ZFC3H1: variants seen among roughly 807,000 people sequenced by gnomAD.
ZFC3H1 encodes the protein zinc finger C3H1 domain-containing protein.
Under a neutral mutation model 243.7 loss-of-function variants are expected in ZFC3H1, and 71 were observed. That is an observed-to-expected ratio of 0.29 (90% CI 0.24 to 0.36). The LOEUF (loss-of-function observed/expected upper bound fraction) is 0.36, where lower values mean the gene tolerates loss of function less well. Ranked by LOEUF, ZFC3H1 falls within the 10% of genes least tolerant of loss-of-function variation. The pLI is 1.00. For missense variants in ZFC3H1, 1,966 were observed against 2,317.1 expected (o/e 0.85, Z 3.11); for synonymous variants, 838 against 813.0 (o/e 1.03, Z -0.52).
In ZFC3H1 at chr12:71,632,254, A is replaced by G. The variant is rs1880340846; in HGVS notation, c.3078T>C (p.Thr1026=). ...TTTCATCATCAACATCATTTTCTTC[A>G]GTGTCCAGGGTTAATTTATCTTGTG... The part of the protein sequence containing the change: ...DLTQDKLTLD[T]EENDVDDEIL... Residue 1026 remains threonine, a synonymous_variant, in exon 15 of 35, where the codon ACT becomes ACC. Coordinates refer to ENST00000378743, the MANE Select transcript of ZFC3H1 (RefSeq NM_144982.5). 1 of 1,612,338 alleles carries G rather than the reference A, an allele frequency of 6.2e-7. No homozygotes were observed. Among genetic ancestry groups the G allele is most frequent in the Non-Finnish European group, 8.5e-7 (1 of 1,179,434 alleles).
chr12:71,657,808 G>A (rs1185439164), intron 1 of ZFC3H1, among the ~76,000 whole-genome samples: 1 of 152,034 alleles, frequency 6.6e-6, no homozygotes, highest in Non-Finnish European at 1.5e-5. Context: ...GGCCAACACA[G>A]TGAAACCCCA....
At chr12:71,635,353 A>G (rs1270577246) in intron 10 of ZFC3H1, 90 bp downstream of exon 10, 10 of 1,465,000 alleles carry the variant, frequency 6.8e-6, no homozygotes, top group Non-Finnish European at 9.1e-6. Context: ...TTAAAAATCT[A>G]TAACTTTATG....
chr12:71,642,581 A>G (rs747509620), intron 5 of ZFC3H1, 22 bp from the exon 6 acceptor site: 1 of 1,587,510 alleles, frequency 6.3e-7, no homozygotes, highest in South Asian at 1.2e-5. Context: ...ACACTTTTTT[A>G]GTTTCAAAGC....
intron 6 of ZFC3H1, among the ~76,000 whole-genome samples, chr12:71,641,046 G>A (rs964360709): frequency 3.9e-5 from 6 of 151,904 alleles, no homozygotes; most frequent in Non-Finnish European, 7.4e-5. Flanking sequence ...ATAAATATCC[G>A]CAGTTAACGT....
Position 71,647,799 on chromosome 12 carries a change from CTTT to C in ZFC3H1, c.1027_1029del (p.Lys343del). 2.9e-6 allele frequency: 4 copies of C among 1,370,688 alleles called. No individual in the cohort carries two copies. Among genetic ancestry groups the C allele is most frequent in the Non-Finnish European group, 3.0e-6 (3 of 991,082 alleles). The allele number at this position is 1,370,688 out of a possible 1,614,324, so 84.9% of individuals were successfully genotyped here. ...CTAATTCTTCTTGTTAAATTTTGTT[CTTT>C]ATCTTGTAATCCTTTAAAATAAAAT... On this transcript the variant is annotated inframe_deletion, in exon 3 of 35. Coordinates refer to ENST00000378743, the MANE Select transcript of ZFC3H1 (RefSeq NM_144982.5).
At position 71,610,309 on chromosome 12, in the gene ZFC3H1, G is replaced by C; in HGVS notation, c.*119C>G. Reference sequence around the variant, plus strand: ...CAGGATATTGTAGGGAACTTGATATGATCAATAACGCTTGTCTGCCTTACA... The same window carrying C: ...CAGGATATTGTAGGGAACTTGATATCATCAATAACGCTTGTCTGCCTTACA... On this transcript the variant is annotated 3_prime_UTR_variant, in exon 35 of 35. Transcript: ENST00000378743. 2 of 1,211,754 alleles carry C rather than the reference G, an allele frequency of 1.7e-6. No individual in the cohort carries two copies. The highest frequency in any genetic ancestry group is 2.3e-6 in the Non-Finnish European group (2 of 864,948). 75.1% of individuals were successfully genotyped at this position (1,211,754 alleles called of 1,614,324 possible).
intron 24 of ZFC3H1, among the ~76,000 whole-genome samples, chr12:71,621,009 A>G (rs1003751208): frequency 3.9e-5 from 6 of 152,158 alleles, no homozygotes; most frequent in Non-Finnish European, 5.9e-5. Flanking sequence ...TTTATTTAAC[A>G]TTTGACAGTG....
chr12:71,643,197 G>A (rs979057808), intron 5 of ZFC3H1, among the ~76,000 whole-genome samples: 11 of 151,940 alleles, frequency 7.2e-5, no homozygotes, highest in Non-Finnish European at 7.4e-5. Context: ...TGGCTCATGC[G>A]GTCGGGAGTT....
intron 1 of ZFC3H1, among the ~76,000 whole-genome samples, chr12:71,659,715 T>A (rs961515970): frequency 6.6e-6 from 1 of 152,242 alleles, no homozygotes; most frequent in Non-Finnish European, 1.5e-5. Context: ...TCCCTATCTA[T>A]ACAGAAGCCT....
intron 3 of ZFC3H1, among the ~76,000 whole-genome samples, chr12:71,645,737 T>C (rs1404986062): frequency 1.3e-5 from 2 of 152,248 alleles, no homozygotes; most frequent in Admixed American, 1.3e-4. Flanking sequence ...GACAATAATG[T>C]TAAAAGCAGA....
intron 12 of ZFC3H1, among the ~76,000 whole-genome samples, 172 bp from the exon 13 acceptor site, chr12:71,633,610 C>T (rs1209827977): frequency 6.6e-6 from 1 of 151,998 alleles, no homozygotes; most frequent in African/African-American, 2.4e-5. Context: ...TTTAAATTAA[C>T]ATTGCTACAC....
At chr12:71,662,898 A>G in intron 1 of ZFC3H1, 115 bp downstream of exon 1, 4 of 1,039,958 alleles carry the variant, frequency 3.8e-6, no homozygotes, top group Middle Eastern at 2.2e-4. Flanking sequence ...ATACTGACAC[A>G]GGGAGAAATA....
In ZFC3H1 at chr12:71,623,444, C is replaced by G; in HGVS notation, c.4660G>C (p.Val1554Leu). The G allele has an allele frequency of 6.8e-6, 11 of 1,613,688 alleles. No homozygotes were observed. Among genetic ancestry groups the G allele is most frequent in the Non-Finnish European group, 8.5e-6 (10 of 1,179,838 alleles). ...DPSNDNPSRIVNTESFVMPWQ... is the reference protein window; with the variant it reads ...DPSNDNPSRILNTESFVMPWQ... ...GGCATTACAAATGATTCAGTGTTAA[C>G]AATTCTTGAAGGATTATCATTAGAT... Residue 1554 changes from valine (V) to leucine (L), a missense_variant, in exon 24 of 35, where the codon GTT becomes CTT. Coordinates refer to ENST00000378743, the MANE Select transcript of ZFC3H1 (RefSeq NM_144982.5).
intron 2 of ZFC3H1, among the ~76,000 whole-genome samples, chr12:71,650,009 AAACC>A (rs1430318344): frequency 6.6e-6 from 1 of 152,226 alleles, no homozygotes; most frequent in Non-Finnish European, 1.5e-5. Flanking sequence ...TAACATGGTG[AAACC>A]CTGTCTCTAC....
chr12:71,630,564 T>C lies in ZFC3H1; in HGVS notation c.3724+36A>G, dbSNP rs754970765. Reference sequence around the variant, plus strand: ...GAATTTTTAAGTTGCCTAAATTCAATTTTCATTTGGGAGAGAATAGGAAGT... The same window carrying C: ...GAATTTTTAAGTTGCCTAAATTCAACTTTCATTTGGGAGAGAATAGGAAGT... On this transcript the variant is annotated intron_variant, in intron 18 of 34. Coordinates refer to ENST00000378743, the MANE Select transcript of ZFC3H1 (RefSeq NM_144982.5). The C allele has an allele frequency of 3.8e-6, 6 of 1,581,912 alleles. No individual in the cohort carries two copies. In the South Asian group the frequency reaches 7.0e-5, roughly 18 times the overall value.
Position 71,620,310 on chromosome 12 carries a change from C to T in ZFC3H1, c.4750G>A (p.Val1584Met). 1 of 1,614,118 alleles carries T rather than the reference C, an allele frequency of 6.2e-7. No homozygotes were observed. Among genetic ancestry groups the T allele is most frequent in the Non-Finnish European group, 8.5e-7 (1 of 1,179,984 alleles). Residue 1584 changes from valine to methionine, a missense_variant, in exon 25 of 35, where the codon GTG becomes ATG. Around this residue, in one of 4 missense-constraint regions of ZFC3H1, gnomAD observed 1,383 missense variants for 1,723.7 expected, o/e 0.80. Coordinates refer to ENST00000378743, the MANE Select transcript of ZFC3H1 (RefSeq NM_144982.5). ...AGGCTCTCATCTGTGCAAGCTTTCA[C>T]TGCATCTACCCAAAAACATCACAAC... Reference protein sequence around the residue: ...DMLLAVFEDAVKACTDESLAV... With the variant: ...DMLLAVFEDAMKACTDESLAV...
intron 18 of ZFC3H1, 52 bp downstream of exon 18, chr12:71,630,548 A>G: frequency 1.3e-6 from 2 of 1,574,182 alleles, no homozygotes; most frequent in Non-Finnish European, 1.7e-6. Context: ...AGAATTTTTA[A>G]GTTGCCTAAA....
At position 71,626,333 on chromosome 12, in the gene ZFC3H1, C is replaced by T; in HGVS notation, c.4244G>A (p.Gly1415Glu). 2 of 1,613,938 alleles carry T rather than the reference C, an allele frequency of 1.2e-6. No homozygotes were observed. The highest frequency in any genetic ancestry group is 1.7e-6 in the Non-Finnish European group (2 of 1,179,962). ...CATTTCCTGCACCTCGTCCTTGGTTCCTCTTTTTGAGAACAATCTGAGGTA... is the reference window on the plus strand; with the variant it reads ...CATTTCCTGCACCTCGTCCTTGGTTTCTCTTTTTGAGAACAATCTGAGGTA... ...CHYLRLFSKR[G>E]TKDEVQEMCE... Residue 1415 changes from glycine to glutamate, a missense_variant, in exon 22 of 35, where the codon GGA becomes GAA. Physicochemically the swap from Gly to Glu is moderately conservative, Grantham distance 98. Transcript: ENST00000378743.
chr12:71,641,198 T>G (rs190620822), intron 6 of ZFC3H1, among the ~76,000 whole-genome samples: 1 of 152,314 alleles, frequency 6.6e-6, no homozygotes, highest in Non-Finnish European at 1.5e-5. Flanking sequence ...GGAATTATAA[T>G]GAATCATCTC....
Sources: allele counts gnomAD v4.1 joint callset (sites outside exome capture counted in the v4.1 genomes callset), GRCh38; gene constraint gnomAD v4.1.1; regional missense constraint gnomAD v4.1.1; transcripts MANE v1.5; gene names NCBI Gene and HGNC (gene_info 2026-07-23, HGNC 2026-07-21).